RBMS3: variants seen among roughly 807,000 people sequenced by gnomAD.
The protein encoded by RBMS3 is RNA binding motif single stranded interacting protein 3, also known as RNA-binding motif, single-stranded-interacting protein 3.
RBMS3 carries 27 observed loss-of-function variants against 66.8 expected under a neutral mutation model. The ratio of observed to expected loss-of-function variants is 0.40; its 90% CI spans 0.30 to 0.56. The LOEUF (loss-of-function observed/expected upper bound fraction) is 0.56. RBMS3 is among the 20% of genes least tolerant of loss of function. The pLI is 0.40. For missense variants in RBMS3, 513 were observed against 549.5 expected (o/e 0.93, Z 0.66); for synonymous variants, 188 against 183.0 (o/e 1.03, Z -0.22).
At chr3:29,389,489 A>G (rs957468698) in intron 1 of RBMS3, among the ~76,000 whole-genome samples, 2 of 152,204 alleles carry the variant, frequency 1.3e-5, no homozygotes, top group Non-Finnish European at 2.9e-5. Context: ...ATCCTTAGGC[A>G]TAATTTTTAT....
chr3:29,345,690 G>A (rs1358776319), intron 1 of RBMS3, among the ~76,000 whole-genome samples: 1 of 152,182 alleles, frequency 6.6e-6, no homozygotes, highest in Admixed American at 6.5e-5. Flanking sequence ...GAAAATTCAT[G>A]TAACCAGGTT....
At chr3:29,552,334 C>T (rs150457326) in intron 3 of RBMS3, among the ~76,000 whole-genome samples, 3,060 of 152,140 alleles carry the variant, frequency 0.02, 47 homozygotes, top group Non-Finnish European at 0.026. Flanking sequence ...TCTAAACTGC[C>T]ACACTCTCCC....
At chr3:29,915,528 T>G (rs1316090601) in intron 10 of RBMS3, among the ~76,000 whole-genome samples, 4 of 151,900 alleles carry the variant, frequency 2.6e-5, no homozygotes, top group Non-Finnish European at 5.9e-5. Context: ...AAAGTAAGTT[T>G]CTTAAGAATC....
At chr3:29,391,035 G>A (rs561404996) in intron 1 of RBMS3, 11 of 391,784 alleles carry the variant, frequency 2.8e-5, no homozygotes, top group South Asian at 2.4e-4. Context: ...ATGTCAAGTT[G>A]GTGGAGGCCC....
At chr3:29,626,575 A>G (rs1480871902) in intron 4 of RBMS3, among the ~76,000 whole-genome samples, 2 of 152,198 alleles carry the variant, frequency 1.3e-5, no homozygotes, top group African/African-American at 2.4e-5. Flanking sequence ...TGGTCAGCAT[A>G]TGAATAGTAT....
At chr3:29,905,689 A>G (rs926141107) in intron 10 of RBMS3, among the ~76,000 whole-genome samples, 6 of 152,104 alleles carry the variant, frequency 3.9e-5, no homozygotes, top group Non-Finnish European at 5.9e-5. Flanking sequence ...TCCCTGGGCC[A>G]CATTGGAAGA....
At chr3:29,538,697 G>A (rs193206180) in intron 3 of RBMS3, among the ~76,000 whole-genome samples, 9 of 152,292 alleles carry the variant, frequency 5.9e-5, no homozygotes, top group African/African-American at 2.2e-4. Context: ...ACAAAGAGAG[G>A]ATAATAAGCA....
At chr3:29,541,883 T>C (rs9870303) in intron 3 of RBMS3, among the ~76,000 whole-genome samples, 41,834 of 151,958 alleles carry the variant, frequency 0.28, 8,377 homozygotes, top group African/African-American at 0.56. Context: ...CTCCTTGGTG[T>C]ACATGCTTGC....
At chr3:29,796,260 A>G (rs1376351508) in intron 6 of RBMS3, among the ~76,000 whole-genome samples, 1 of 151,928 alleles carries the variant, frequency 6.6e-6, no homozygotes, top group Non-Finnish European at 1.5e-5. Flanking sequence ...CACCGTGCCC[A>G]CCCCCATGCT....
intron 8 of RBMS3, among the ~76,000 whole-genome samples, chr3:29,890,893 T>C (rs1043355523): frequency 6.6e-6 from 1 of 151,300 alleles, no homozygotes; most frequent in Non-Finnish European, 1.5e-5. Flanking sequence ...AAAAGAAAAA[T>C]AAAGCAAATT....
chr3:29,650,278 TC>T (rs374823605), intron 4 of RBMS3, among the ~76,000 whole-genome samples: 1,541 of 120,732 alleles, frequency 0.013, 21 homozygotes, highest in African/African-American at 0.05. Flanking sequence ...CTCCTTTCTT[TC>T]TTTTTTTTTT....
intron 1 of RBMS3, among the ~76,000 whole-genome samples, chr3:29,347,413 G>A (rs2036638884): frequency 6.6e-6 from 1 of 152,118 alleles, no homozygotes; most frequent in Non-Finnish European, 1.5e-5. Flanking sequence ...ATTGATAGAG[G>A]AAAGGTCTAG....
chr3:29,586,120 C>T (rs1474446591), intron 3 of RBMS3, among the ~76,000 whole-genome samples: 1 of 151,960 alleles, frequency 6.6e-6, no homozygotes, highest in Non-Finnish European at 1.5e-5. Context: ...ACAGATGATT[C>T]CCTGCCTGAC....
rs1398829011 is a variant in RBMS3, at chr3:30,006,487, A to G, written c.*2625A>G. 1 of 151,900 alleles carries G rather than the reference A, an allele frequency of 6.6e-6. No homozygotes were observed. Among genetic ancestry groups the G allele is most frequent in the African/African-American group, 2.4e-5 (1 of 41,410 alleles). 9.4% of individuals were successfully genotyped at this position (151,900 alleles called of 1,614,324 possible). On this transcript the variant is annotated 3_prime_UTR_variant, in exon 15 of 15. Coordinates refer to ENST00000383767, the MANE Select transcript of RBMS3 (RefSeq NM_001003793.3). ...TTATGGTTTTTCATGCTTTAGAGAA[A>G]ATGCTAGATTTATACTGTCTTTTGT...
chr3:29,893,252 ATTAGAG>A (rs1421152649), intron 8 of RBMS3, among the ~76,000 whole-genome samples: 1 of 151,416 alleles, frequency 6.6e-6, no homozygotes, highest in African/African-American at 2.4e-5. Flanking sequence ...GATGGATAGG[ATTAGAG>A]CAGATAGGAC....
intron 12 of RBMS3, among the ~76,000 whole-genome samples, chr3:29,981,884 T>C (rs1222186848): frequency 6.6e-6 from 1 of 151,914 alleles, no homozygotes; most frequent in Non-Finnish European, 1.5e-5. Flanking sequence ...TGGCCTGAAA[T>C]TTTCTTTGTG....
chr3:29,815,971 G>A (rs2057882343), intron 6 of RBMS3, among the ~76,000 whole-genome samples: 1 of 151,910 alleles, frequency 6.6e-6, no homozygotes, highest in African/African-American at 2.4e-5. Context: ...AGAAGAGAGG[G>A]TTATGAGTAT....
Position 29,944,212 on chromosome 3 carries a change from A to C in RBMS3, c.1056A>C (p.Gln352His), listed in dbSNP as rs780438647. 1.3e-6 allele frequency: 2 copies of C among 1,588,334 alleles called. No homozygotes were observed. The highest frequency in any genetic ancestry group is 1.7e-6 in the Non-Finnish European group (2 of 1,157,452). ...HLSLGTTGTI[Q>H]SQDRIMILHQ... is the part of the protein sequence containing the mutation. ...CATGCTCTTTTCATTCAAAGATTCA[A>C]TCCCAAGACAGGATTATGATACTCC... The change falls in exon 12 of 15, where the codon CAA becomes CAC. Residue 352 changes from glutamine to histidine, a missense_variant. Physicochemically the swap from Gln to His is conservative, Grantham distance 24. Coordinates refer to ENST00000383767, the MANE Select transcript of RBMS3 (RefSeq NM_001003793.3).
intron 3 of RBMS3, among the ~76,000 whole-genome samples, chr3:29,574,835 A>T (rs1576269406): frequency 5.8e-5 from 6 of 104,258 alleles, no homozygotes; most frequent in African/African-American, 2.4e-4. Flanking sequence ...GAAAACACAC[A>T]CACACACACA....
Sources: gnomAD v4.1 joint callset for allele counts (sites outside exome capture counted in the v4.1 genomes callset) on GRCh38, gnomAD v4.1.1 for gene constraint, MANE v1.5 for transcripts, NCBI Gene and HGNC (gene_info 2026-07-23, HGNC 2026-07-21) for gene names.